The following THSD7A variants were observed in gnomAD, a reference collection of about 807,000 sequenced individuals.
THSD7A encodes thrombospondin type 1 domain containing 7A.
In THSD7A, 96 loss-of-function variants were observed where a neutral mutation model predicts 231.3. The observed-to-expected ratio is 0.41, with a 90% confidence interval of 0.35 to 0.49. The LOEUF (loss-of-function observed/expected upper bound fraction) is 0.49, where lower values mean the gene tolerates loss of function less well. Ranked by LOEUF, THSD7A falls within the 20% of genes least tolerant of loss-of-function variation. The pLI is 0.05. For missense variants in THSD7A, 2,290 were observed against 2,070.2 expected (o/e 1.11, Z -2.06); for synonymous variants, 940 against 743.3 (o/e 1.26, Z -4.30).
At chr7:11,545,712 C>T (rs922681863) in intron 4 of THSD7A, among the ~76,000 whole-genome samples, 1 of 152,144 alleles carries the variant, frequency 6.6e-6, no homozygotes, top group Non-Finnish European at 1.5e-5. Flanking sequence ...GCAGGGGAAC[C>T]CACTCCTCAA....
intron 7 of THSD7A, among the ~76,000 whole-genome samples, chr7:11,479,189 TG>T (rs778019871): frequency 2.0e-5 from 3 of 152,202 alleles, no homozygotes; most frequent in Non-Finnish European, 4.4e-5. Flanking sequence ...AGCTCCTGAA[TG>T]TCTGGGCTGT....
At chr7:11,797,477 C>T (rs1229660397) in intron 1 of THSD7A, among the ~76,000 whole-genome samples, 1 of 144,946 alleles carries the variant, frequency 6.9e-6, no homozygotes, top group Admixed American at 7.1e-5. Flanking sequence ...AGTGCAGTGG[C>T]ACAATCTTGG....
chr7:11,526,098 C>A (rs1788463629), intron 6 of THSD7A, among the ~76,000 whole-genome samples: 1 of 152,140 alleles, frequency 6.6e-6, no homozygotes, highest in South Asian at 2.1e-4. Context: ...CATTTCCCTA[C>A]CAGAATATTT....
At chr7:11,680,394 T>G (rs1314970545) in intron 1 of THSD7A, among the ~76,000 whole-genome samples, 1 of 152,120 alleles carries the variant, frequency 6.6e-6, no homozygotes, top group African/African-American at 2.4e-5. Context: ...AAAAAGAAAC[T>G]ATCATCAGAG....
chr7:11,751,263 G>A (rs757854374), intron 1 of THSD7A: 3 of 152,098 alleles, frequency 2.0e-5, no homozygotes, highest in Non-Finnish European at 4.4e-5. Flanking sequence ...CTTCTTAAGG[G>A]TGGAGGAAAA....
chr7:11,804,365 T>G (rs1784349058), intron 1 of THSD7A, among the ~76,000 whole-genome samples: 1 of 152,178 alleles, frequency 6.6e-6, no homozygotes. Context: ...TTATTTCCTA[T>G]TTTCCAGAAA....
chr7:11,758,907 T>C (rs778239252), intron 1 of THSD7A, among the ~76,000 whole-genome samples: 1 of 152,080 alleles, frequency 6.6e-6, no homozygotes, highest in Non-Finnish European at 1.5e-5. Context: ...CCAGTAAAAC[T>C]TTATTCATGA....
At chr7:11,714,419 C>A (rs1233023753) in intron 1 of THSD7A, among the ~76,000 whole-genome samples, 1 of 151,162 alleles carries the variant, frequency 6.6e-6, no homozygotes, top group African/African-American at 2.4e-5. Flanking sequence ...TTACCTTAAC[C>A]CTATGACACA....
Position 11,636,590 on chromosome 7 carries a change from G to A in THSD7A, c.562C>T (p.Leu188Phe). 6.2e-7 allele frequency: 1 copy of A among 1,613,992 alleles called. No homozygotes were observed. Among genetic ancestry groups the A allele is most frequent in the Admixed American group, 1.7e-5 (1 of 60,028 alleles). ...EPKPLLEQACLIPCQQDCIVS... is the reference protein window; with the variant it reads ...EPKPLLEQACFIPCQQDCIVS... Reference sequence around the variant, plus strand: ...ATGCAATCTTGCTGGCAAGGAATGAGGCAAGCCTGCTCCAGGAGAGGCTTG... The same window carrying A: ...ATGCAATCTTGCTGGCAAGGAATGAAGCAAGCCTGCTCCAGGAGAGGCTTG... Residue 188 changes from leucine to phenylalanine, a missense_variant, in exon 2 of 28, where the codon CTC becomes TTC. Coordinates refer to ENST00000423059, the MANE Select transcript of THSD7A (RefSeq NM_015204.3). This position sits in a 1 kb window ranked among gnomAD's most constrained non-coding sequence, Gnocchi z 10.0.
rs923398799 is a variant in THSD7A, at chr7:11,520,500, C to T, written c.1822+20919G>A. On this transcript the variant is annotated intron_variant, in intron 6 of 27. Transcript: ENST00000423059. The stretch of plus-strand genomic sequence containing the variant: ...TCTTATGCATATACTGTACACATGC[C>T]ACCAGGATATAAAACCCTTTAGACT... Among the ~76,000 whole-genome samples the T allele has an allele frequency of 3.3e-5, 5 of 152,162 alleles. No individual in the cohort carries two copies. In the East Asian group the frequency reaches 9.6e-4, roughly 29 times the overall value.
At chr7:11,650,889 A>C (rs1187905969) in intron 1 of THSD7A, among the ~76,000 whole-genome samples, 2 of 152,004 alleles carry the variant, frequency 1.3e-5, no homozygotes, top group Admixed American at 1.3e-4. Flanking sequence ...TGAACTAATA[A>C]ATGTTAGGGA....
chr7:11,511,395 A>G (rs979834046), intron 6 of THSD7A, among the ~76,000 whole-genome samples: 6 of 152,164 alleles, frequency 3.9e-5, no homozygotes, highest in Admixed American at 6.5e-5. Flanking sequence ...TCCCCATCAA[A>G]CTACCAATGA....
intron 1 of THSD7A, among the ~76,000 whole-genome samples, chr7:11,652,434 T>C (rs1782539746): frequency 6.6e-6 from 1 of 152,034 alleles, no homozygotes; most frequent in African/African-American, 2.4e-5. Flanking sequence ...CTTAATGCAA[T>C]GGCATTAATT....
At chr7:11,684,308 T>C (rs28781932) in intron 1 of THSD7A, among the ~76,000 whole-genome samples, 13,224 of 151,180 alleles carry the variant, frequency 0.087, 1,954 homozygotes, top group African/African-American at 0.3. Context: ...GAAGCATTCC[T>C]CATAAGAAAT....
At chr7:11,466,016 T>C (rs1412343943) in intron 9 of THSD7A, among the ~76,000 whole-genome samples, 1 of 152,112 alleles carries the variant, frequency 6.6e-6, no homozygotes, top group Non-Finnish European at 1.5e-5. Context: ...TTTCAAGGGG[T>C]ATTTTAGAAG....
At chr7:11,391,661 T>A (rs1249474776) in intron 23 of THSD7A, among the ~76,000 whole-genome samples, 2 of 152,108 alleles carry the variant, frequency 1.3e-5, no homozygotes, top group African/African-American at 4.8e-5. Flanking sequence ...CATTGGGGTA[T>A]GAAAAAAAGC....
At chr7:11,407,583 A>C (rs866093190) in intron 19 of THSD7A, among the ~76,000 whole-genome samples, 160 bp from the exon 20 acceptor site, 1 of 152,234 alleles carries the variant, frequency 6.6e-6, no homozygotes, top group Non-Finnish European at 1.5e-5. Context: ...GAAAGTATAA[A>C]GTGGTTTGAC....
At chr7:11,699,328 A>G (rs1780504337) in intron 1 of THSD7A, among the ~76,000 whole-genome samples, 1 of 151,306 alleles carries the variant, frequency 6.6e-6, no homozygotes, top group Non-Finnish European at 1.5e-5. Context: ...AATTGCTCCA[A>G]TTTATATGAC....
intron 9 of THSD7A, among the ~76,000 whole-genome samples, chr7:11,468,393 A>AC (rs1383188844): frequency 6.6e-6 from 1 of 152,112 alleles, no homozygotes; most frequent in Non-Finnish European, 1.5e-5. Context: ...CAGCTTAAAA[A>AC]AAAAAAAAGG....
Sources: allele counts gnomAD v4.1 joint callset (sites outside exome capture counted in the v4.1 genomes callset), GRCh38; gene constraint gnomAD v4.1.1; non-coding constraint Gnocchi (gnomAD v3.1); transcripts MANE v1.5; gene names NCBI Gene and HGNC (gene_info 2026-07-23, HGNC 2026-07-21).